DMD: variants seen among roughly 807,000 people sequenced by gnomAD.
The protein encoded by DMD is dystrophin, also known as mutant dystrophin.
DMD carries 63 observed loss-of-function variants against 330.1 expected under a neutral mutation model. That is an observed-to-expected ratio of 0.19 (90% CI 0.16 to 0.24). The LOEUF (loss-of-function observed/expected upper bound fraction) is 0.24, where lower values mean the gene tolerates loss of function less well. Ranked by LOEUF, DMD falls within the 10% of genes least tolerant of loss-of-function variation. DMD has a pLI of 1.00. For synonymous variants in DMD, 1,223 were observed against 959.8 expected, an observed-to-expected ratio of 1.27 and a Z score of -5.07; for missense variants, 3,344 against 2,684.1, an observed-to-expected ratio of 1.25 and a Z score of -5.43.
intron 1 of DMD, among the ~76,000 whole-genome samples, chrX:33,136,917 G>A (rs966473388): frequency 7.2e-5 from 8 of 110,489 alleles, no homozygotes; most frequent in Non-Finnish European, 1.5e-4. Context: ...TTATAGAAAA[G>A]ATATTTCTAC....
intron 63 of DMD, among the ~76,000 whole-genome samples, chrX:31,236,914 T>TA (rs1341200797): frequency 8.9e-6 from 1 of 112,044 alleles, no homozygotes; most frequent in African/African-American, 3.3e-5. Flanking sequence ...CTCTACCCTT[T>TA]ATCTAACAGT....
At chrX:31,948,404 C>T (rs1171346607) in intron 45 of DMD, among the ~76,000 whole-genome samples, 1 of 111,471 alleles carries the variant, frequency 9.0e-6, no homozygotes, top group Non-Finnish European at 1.9e-5. Context: ...GTTGCTGGAT[C>T]ATATGGTAGT....
chrX:33,148,604 C>G (rs2048136037), intron 1 of DMD, among the ~76,000 whole-genome samples: 1 of 111,287 alleles, frequency 9.0e-6, no homozygotes, highest in African/African-American at 3.3e-5. Flanking sequence ...GATGCCATTC[C>G]TATATATTAA....
intron 60 of DMD, among the ~76,000 whole-genome samples, chrX:31,354,795 C>T (rs886400157): frequency 8.9e-6 from 1 of 112,002 alleles, no homozygotes; most frequent in Non-Finnish European, 1.9e-5. Flanking sequence ...TATCACAATG[C>T]CTAGTACATA....
intron 12 of DMD, among the ~76,000 whole-genome samples, chrX:32,607,269 C>T (rs183537703): frequency 1.8e-5 from 2 of 110,546 alleles, no homozygotes; most frequent in African/African-American, 6.5e-5. Context: ...GACGTATTCA[C>T]ATTATCCTTG....
intron 33 of DMD, among the ~76,000 whole-genome samples, chrX:32,381,095 G>A (rs896087139): frequency 2.7e-5 from 3 of 111,365 alleles, no homozygotes; most frequent in African/African-American, 9.8e-5. Flanking sequence ...AGCTCATGCT[G>A]GTAAGGAATC....
chrX:32,475,558 G>A (rs894748336), intron 21 of DMD, among the ~76,000 whole-genome samples: 2 of 111,173 alleles, frequency 1.8e-5, no homozygotes, highest in African/African-American at 6.5e-5. Flanking sequence ...TTTCCTTGGA[G>A]AGGTCTTTCG....
intron 19 of DMD, among the ~76,000 whole-genome samples, chrX:32,495,656 T>A (rs931721028): frequency 1.8e-5 from 2 of 112,066 alleles, no homozygotes; most frequent in Admixed American, 9.5e-5. Flanking sequence ...CTTTCTAGAA[T>A]GAAAAAGGGT....
At chrX:32,815,586 G>C (rs2077699357) in intron 6 of DMD, among the ~76,000 whole-genome samples, 1 of 102,878 alleles carries the variant, frequency 9.7e-6, no homozygotes, top group African/African-American at 3.6e-5. Flanking sequence ...ATGGCATATA[G>C]TATATATTGT....
At chrX:32,738,391 A>G (rs1377032523) in intron 7 of DMD, among the ~76,000 whole-genome samples, 1 of 111,643 alleles carries the variant, frequency 9.0e-6, no homozygotes, top group Admixed American at 9.5e-5. Context: ...ACTTCCTATT[A>G]GTTATCTGTA....
At chrX:32,303,974 G>T (rs1205495847) in intron 42 of DMD, among the ~76,000 whole-genome samples, 1 of 110,995 alleles carries the variant, frequency 9.0e-6, no homozygotes, top group Non-Finnish European at 1.9e-5. Context: ...AGTTATTTTT[G>T]GTGGCTCTAT....
intron 60 of DMD, among the ~76,000 whole-genome samples, chrX:31,350,626 T>TGAGA (rs1202092669): frequency 1.7e-4 from 8 of 48,277 alleles, no homozygotes; most frequent in Middle Eastern, 0.012. Context: ...TGTGTGTGTG[T>TGAGA]GTGTGTGAGA....
At chrX:31,516,394 C>A (rs1223120605) in intron 55 of DMD, among the ~76,000 whole-genome samples, 1 of 110,515 alleles carries the variant, frequency 9.0e-6, no homozygotes, top group Admixed American at 9.7e-5. Flanking sequence ...AATCTAACCA[C>A]CGGAGGTTCC....
intron 7 of DMD, among the ~76,000 whole-genome samples, chrX:32,781,026 G>T (rs1443384298): frequency 2.8e-5 from 3 of 108,717 alleles, no homozygotes; most frequent in Non-Finnish European, 5.7e-5. Flanking sequence ...GCTGAGGCAG[G>T]AGAATAGCGT....
intron 13 of DMD, among the ~76,000 whole-genome samples, chrX:32,589,183 A>G (rs187730618): frequency 8.9e-6 from 1 of 112,012 alleles, no homozygotes; most frequent in Admixed American, 9.5e-5. Context: ...TTAATTAAAT[A>G]ATCGCCCACT....
intron 7 of DMD, among the ~76,000 whole-genome samples, chrX:32,761,092 A>C (rs779966840): frequency 8.9e-6 from 1 of 112,033 alleles, no homozygotes; most frequent in East Asian, 2.8e-4. Context: ...CTTAAATGTT[A>C]TCAACTCATG....
At chrX:32,779,928 A>G (rs1486236975) in intron 7 of DMD, among the ~76,000 whole-genome samples, 5 of 111,956 alleles carry the variant, frequency 4.5e-5, no homozygotes, top group Non-Finnish European at 1.9e-5. Flanking sequence ...AAATATTTAA[A>G]TTATAATAAT....
chrX:32,834,832 A>G (rs752343337), intron 4 of DMD, among the ~76,000 whole-genome samples: 51 of 111,682 alleles, frequency 4.6e-4, no homozygotes, highest in South Asian at 1.9e-3. Context: ...TTCCTAGGGT[A>G]TATTTCAACA....
chrX:31,139,742 C>T lies in DMD; in HGVS notation c.10922-5548G>A, dbSNP rs773732262. On this transcript the variant is annotated intron_variant, in intron 76 of 78. Coordinates refer to ENST00000357033, the MANE Select transcript of DMD (RefSeq NM_004006.3). ...GGGGGGTGAAGGATAAAAGACTACA[C>T]GTTGGGTACAGTGTACACTGCTCAG... Among the ~76,000 whole-genome samples, 137 of 110,727 alleles carry T rather than the reference C, an allele frequency of 1.2e-3. 3 individuals are homozygous for T. In the Middle Eastern group the frequency reaches 0.014, roughly 11 times the overall value.
Sources: gnomAD v4.1 joint callset for allele counts (sites outside exome capture counted in the v4.1 genomes callset) on GRCh38, gnomAD v4.1.1 for gene constraint, MANE v1.5 for transcripts, NCBI Gene and HGNC (gene_info 2026-07-23, HGNC 2026-07-21) for gene names.